The following FAM227B variants were observed in gnomAD, a reference collection of about 807,000 sequenced individuals.
The protein encoded by FAM227B is family with sequence similarity 227 member B.
In FAM227B, 88 loss-of-function variants were observed where a neutral mutation model predicts 73.8. The observed-to-expected ratio is 1.19, with a 90% CI of 1.00 to 1.42. The LOEUF (loss-of-function observed/expected upper bound fraction) is 1.42, where lower values mean the gene tolerates loss of function less well. Ranked by LOEUF, FAM227B falls within the 40% of genes most tolerant of loss-of-function variation. The pLI is 0.00. For missense variants in FAM227B, 632 were observed against 590.9 expected (o/e 1.07, Z -0.72); for synonymous variants, 210 against 190.5 (o/e 1.10, Z -0.84).
intron 11 of FAM227B, among the ~76,000 whole-genome samples, chr15:49,472,125 G>C (rs1465506247): frequency 6.6e-6 from 1 of 152,070 alleles, no homozygotes; most frequent in Non-Finnish European, 1.5e-5. Flanking sequence ...GAAAAAATAG[G>C]CTCCTGGAGT....
chr15:49,456,341 G>C (rs747380243), intron 11 of FAM227B, among the ~76,000 whole-genome samples: 12 of 152,192 alleles, frequency 7.9e-5, no homozygotes, highest in Middle Eastern at 3.4e-3. Context: ...AGAAATAATG[G>C]AAAGGGAAAG....
intron 11 of FAM227B, among the ~76,000 whole-genome samples, chr15:49,503,560 A>G (rs1398742601): frequency 1.3e-5 from 2 of 152,224 alleles, no homozygotes; most frequent in East Asian, 1.9e-4. Context: ...CTCTACAAAG[A>G]ACTCAAACAA....
In FAM227B at chr15:49,589,907, T is replaced by C. The variant is rs908361869; in HGVS notation, c.206A>G (p.His69Arg). The change falls in exon 4 of 16, where the codon CAC becomes CGC. Residue 69 changes from histidine to arginine, a missense_variant. Physicochemically the swap from His to Arg is conservative, Grantham distance 29. Transcript: ENST00000299338. Reference protein sequence around the residue: ...EDSSFVSIYTHLWENVPRIFE... With the variant: ...EDSSFVSIYTRLWENVPRIFE... ...TATTCGAGGAACATTTTCCCATAGGTGTGTATAAATTGAAACAAATGAACT... is the reference window on the plus strand; with the variant it reads ...TATTCGAGGAACATTTTCCCATAGGCGTGTATAAATTGAAACAAATGAACT... The C allele has an allele frequency of 6.3e-7, 1 of 1,591,706 alleles. No individual in the cohort carries two copies. The highest frequency in any genetic ancestry group is 8.6e-7 in the Non-Finnish European group (1 of 1,159,630).
intron 9 of FAM227B, among the ~76,000 whole-genome samples, chr15:49,558,604 C>T (rs1170746023): frequency 1.3e-5 from 2 of 152,168 alleles, no homozygotes; most frequent in Non-Finnish European, 2.9e-5. Flanking sequence ...AAGTGTTCTG[C>T]CTGCCCCTGG....
Position 49,407,270 on chromosome 15 carries a change from C to T in FAM227B, c.1013-35871G>A, listed in dbSNP as rs1432164156. 5.9e-5 allele frequency among the ~76,000 whole-genome samples: 9 copies of T among 152,312 alleles called. No homozygotes were observed. The East Asian group carries it at 1.7e-3, about 29-fold the overall frequency. ...TTAGGAGTCTCCTCCTGCACTAAGG[C>T]CCATGGTGAGAGCCGGTTGCTCCTT... On this transcript the variant is annotated intron_variant, in intron 11 of 15. Coordinates refer to ENST00000299338, the MANE Select transcript of FAM227B (RefSeq NM_152647.3).
chr15:49,521,426 G>A (rs1044853455), intron 10 of FAM227B, among the ~76,000 whole-genome samples: 1 of 152,208 alleles, frequency 6.6e-6, no homozygotes, highest in Admixed American at 6.5e-5. Flanking sequence ...ACTAGTGGCT[G>A]ACAATGGACA....
At chr15:49,614,372 G>A (rs952001525) in intron 2 of FAM227B, among the ~76,000 whole-genome samples, 2 of 152,106 alleles carry the variant, frequency 1.3e-5, no homozygotes, top group Non-Finnish European at 2.9e-5. Context: ...TGAATGCCAG[G>A]AGGCAGGACC....
chr15:49,570,345 C>T (rs370143497), intron 8 of FAM227B, among the ~76,000 whole-genome samples: 19 of 151,830 alleles, frequency 1.3e-4, no homozygotes, highest in African/African-American at 3.9e-4. Context: ...ACACATCAAA[C>T]AGTTGTGTGA....
intron 11 of FAM227B, among the ~76,000 whole-genome samples, chr15:49,427,821 C>T (rs1006667562): frequency 4.0e-5 from 6 of 151,680 alleles, no homozygotes; most frequent in South Asian, 2.1e-4. Context: ...GTTTTGGGCT[C>T]GGGTAGATGG....
At chr15:49,401,299 T>A (rs71394970) in intron 11 of FAM227B, among the ~76,000 whole-genome samples, 1 of 152,276 alleles carries the variant, frequency 6.6e-6, no homozygotes, top group South Asian at 2.1e-4. Flanking sequence ...AACCACAATG[T>A]GATACCATTT....
intron 9 of FAM227B, among the ~76,000 whole-genome samples, chr15:49,548,303 T>C (rs1426498380): frequency 6.6e-6 from 1 of 152,246 alleles, no homozygotes. Flanking sequence ...CTTCATTCTG[T>C]TAATACAATG....
intron 13 of FAM227B, among the ~76,000 whole-genome samples, chr15:49,364,658 T>C (rs913533689): frequency 3.9e-5 from 6 of 152,168 alleles, no homozygotes; most frequent in Admixed American, 3.3e-4. Flanking sequence ...TCTGCAGTGA[T>C]AAAAGGTCCA....
At chr15:49,549,289 C>T (rs2072436469) in intron 9 of FAM227B, among the ~76,000 whole-genome samples, 1 of 133,298 alleles carries the variant, frequency 7.5e-6, no homozygotes, top group Non-Finnish European at 1.6e-5. Flanking sequence ...CGTTTACTTT[C>T]AAATTTTCTT....
chr15:49,515,831 T>C (rs537563526), intron 10 of FAM227B, among the ~76,000 whole-genome samples: 1 of 152,180 alleles, frequency 6.6e-6, no homozygotes, highest in Non-Finnish European at 1.5e-5. Context: ...TATACACTAC[T>C]TTCCCCTCTC....
At chr15:49,414,261 C>G (rs2049059412) in intron 11 of FAM227B, among the ~76,000 whole-genome samples, 2 of 152,228 alleles carry the variant, frequency 1.3e-5, no homozygotes, top group South Asian at 4.1e-4. Flanking sequence ...GGTTACACAA[C>G]TCTTGGGTTC....
chr15:49,489,875 TATATATATAGAGAG>T lies in FAM227B; in HGVS notation c.1012+18322_1012+18335del, dbSNP rs1460991724. 2.3e-4 allele frequency among the ~76,000 whole-genome samples: 4 copies of T among 17,172 alleles called. 1 individual carries two copies. In the Admixed American group the frequency reaches 5.4e-3, roughly 23 times the overall value. 11.3% of individuals were successfully genotyped at this position (17,172 alleles called of 152,430 possible). A position where few individuals can be genotyped will look rare whatever the true frequency, so the allele number is the denominator to read the frequency against. ...TATATATATTTTATATATATATATA[TATATATATAGAGAG>T]AGAGAGAGAGAGAGAGAGAGAGAGA... On this transcript the variant is annotated intron_variant, in intron 11 of 15. Coordinates refer to ENST00000299338, the MANE Select transcript of FAM227B (RefSeq NM_152647.3).
chr15:49,419,426 C>A (rs1360386748), intron 11 of FAM227B, among the ~76,000 whole-genome samples: 1 of 152,120 alleles, frequency 6.6e-6, no homozygotes, highest in Non-Finnish European at 1.5e-5. Context: ...GCATTTATGA[C>A]TTTTTTCCCT....
At chr15:49,546,360 G>T (rs1344889975) in intron 9 of FAM227B, among the ~76,000 whole-genome samples, 1 of 152,144 alleles carries the variant, frequency 6.6e-6, no homozygotes, top group African/African-American at 2.4e-5. Context: ...GTCTATCGTT[G>T]TTGGACATTT....
chr15:49,502,200 G>A (rs879207146), intron 11 of FAM227B, among the ~76,000 whole-genome samples: 2 of 152,212 alleles, frequency 1.3e-5, no homozygotes, highest in Admixed American at 1.3e-4. Context: ...ACCCACTGGG[G>A]CACTGCCTAG....
Sources: allele counts gnomAD v4.1 joint callset (sites outside exome capture counted in the v4.1 genomes callset), GRCh38; gene constraint gnomAD v4.1.1; transcripts MANE v1.5; gene names NCBI Gene and HGNC (gene_info 2026-07-23, HGNC 2026-07-21).